The following TNS1 variants were observed in gnomAD, a reference collection of about 807,000 sequenced individuals.
TNS1 encodes the protein tensin 1, also known as tensin-1.
A neutral mutation model predicts 168.6 loss-of-function variants in TNS1; 62 were observed. The ratio of observed to expected loss-of-function variants is 0.37; its 90% CI spans 0.30 to 0.45. The LOEUF is 0.45. Ranked by LOEUF, TNS1 falls within the 20% of genes least tolerant of loss-of-function variation. The pLI, the probability that TNS1 is intolerant of heterozygous loss-of-function variation, is 1.00. For synonymous variants in TNS1, 934 were observed against 933.2 expected (o/e 1.00, Z -0.02); for missense variants, 2,240 against 2,339.4 (o/e 0.96, Z 0.88).
chr2:217,834,997 C>T, intron 21 of TNS1, 94 bp downstream of exon 21: 1 of 1,172,228 alleles, frequency 8.5e-7, no homozygotes. Context: ...CACTGTCACC[C>T]CCAACCCTCA....
At chr2:217,830,224 C>A in intron 22 of TNS1, 1 of 1,107,254 alleles carries the variant, frequency 9.0e-7, no homozygotes, top group Non-Finnish European at 1.3e-6. Context: ...CAGGAGTGTG[C>A]TGGCTGGTGA....
intron 3 of TNS1, among the ~76,000 whole-genome samples, chr2:217,928,994 G>A (rs1575100697): frequency 6.6e-6 from 1 of 152,198 alleles, no homozygotes; most frequent in Non-Finnish European, 1.5e-5. Context: ...AGACCTGAAC[G>A]AGGCAGGGAA....
intron 18 of TNS1, among the ~76,000 whole-genome samples, chr2:217,873,634 G>A (rs879469089): frequency 3.9e-5 from 6 of 152,230 alleles, no homozygotes; most frequent in Non-Finnish European, 7.3e-5. Context: ...TTCAGCAGGA[G>A]GAGGCTGGAG....
chr2:217,997,748 T>A (rs907916879), intron 1 of TNS1, among the ~76,000 whole-genome samples: 1 of 152,020 alleles, frequency 6.6e-6, no homozygotes, highest in Non-Finnish European at 1.5e-5. Context: ...GAGGATGAAA[T>A]GAGATTATGC....
intron 5 of TNS1, 127 bp downstream of exon 5, chr2:217,907,083 A>G (rs1303319653): frequency 1.7e-5 from 11 of 644,286 alleles, no homozygotes; most frequent in South Asian, 7.0e-5. Context: ...AAGTTCCCCA[A>G]ATCTACTCCG....
intron 2 of TNS1, among the ~76,000 whole-genome samples, chr2:217,983,302 C>G (rs1366689473): frequency 6.6e-6 from 1 of 152,174 alleles, no homozygotes; most frequent in African/African-American, 2.4e-5. Flanking sequence ...GGCCTCCCAG[C>G]TACTACAGAA....
At chr2:217,850,388 A>T (rs1017726126) in intron 18 of TNS1, 1 of 985,186 alleles carries the variant, frequency 1.0e-6, no homozygotes, top group South Asian at 4.7e-5. Context: ...AGATGTCTTC[A>T]TGGGGGAGAG....
At chr2:217,966,308 TGCGCGCGCGCGC>T (rs1553621681) in intron 3 of TNS1, among the ~76,000 whole-genome samples, 1 of 133,674 alleles carries the variant, frequency 7.5e-6, no homozygotes, top group Non-Finnish European at 1.6e-5. Context: ...TGTGTGTGTG[TGCGCGCGCGCGC>T]GTGTGTAAGG....
At chr2:218,025,044 T>C (rs947749588) in intron 1 of TNS1, among the ~76,000 whole-genome samples, 5 of 152,106 alleles carry the variant, frequency 3.3e-5, no homozygotes, top group African/African-American at 1.2e-4. Flanking sequence ...GGAGGGAGCA[T>C]GATAGCCTGG....
At chr2:217,902,253 C>T (rs1435711940) in intron 6 of TNS1, among the ~76,000 whole-genome samples, 1 of 152,182 alleles carries the variant, frequency 6.6e-6, no homozygotes, top group East Asian at 1.9e-4. Flanking sequence ...TCTCCCCAGG[C>T]CCTAGGCCCT....
chr2:217,953,104 C>T (rs974477036), intron 3 of TNS1, among the ~76,000 whole-genome samples: 2 of 152,228 alleles, frequency 1.3e-5, no homozygotes, highest in African/African-American at 4.8e-5. Flanking sequence ...AGGAGCCTCA[C>T]GTCTGTTCCT....
chr2:217,868,013 A>G (rs1215757915), intron 18 of TNS1, among the ~76,000 whole-genome samples: 2 of 152,254 alleles, frequency 1.3e-5, no homozygotes, highest in African/African-American at 4.8e-5. Flanking sequence ...ACTAGAATGG[A>G]ACCGCCGCAT....
chr2:217,907,416 G>C (rs949287832), intron 4 of TNS1, among the ~76,000 whole-genome samples, 165 bp from the exon 5 acceptor site: 1 of 152,222 alleles, frequency 6.6e-6, no homozygotes, highest in African/African-American at 2.4e-5. Context: ...AGCACAGGAG[G>C]GAGAGTTTGA....
intron 3 of TNS1, among the ~76,000 whole-genome samples, chr2:217,967,102 G>A (rs7587741): frequency 0.016 from 2,411 of 152,216 alleles, 56 homozygotes; most frequent in African/African-American, 0.054. Flanking sequence ...GGCGGATCAC[G>A]AGGTCAGGAG....
chr2:218,013,603 G>A (rs1391197012), upstream of TNS1, among the ~76,000 whole-genome samples: 1 of 151,382 alleles, frequency 6.6e-6, no homozygotes, highest in Non-Finnish European at 1.5e-5. Context: ...CCTATCCTCT[G>A]GGGACTGCTT....
intron 18 of TNS1, among the ~76,000 whole-genome samples, chr2:217,868,218 G>A (rs1013176849): frequency 2.6e-5 from 4 of 152,222 alleles, no homozygotes; most frequent in Non-Finnish European, 5.9e-5. Context: ...TGGACTTAAG[G>A]TTAGGCCTAT....
intron 2 of TNS1, among the ~76,000 whole-genome samples, chr2:217,987,321 A>C (rs1347738458): frequency 6.6e-6 from 1 of 152,010 alleles, no homozygotes; most frequent in East Asian, 1.9e-4. Context: ...AGTTCACAGG[A>C]GTTCACAGGT....
intron 10 of TNS1, 115 bp downstream of exon 10, chr2:217,893,324 C>A: frequency 6.9e-7 from 1 of 1,439,550 alleles, no homozygotes; most frequent in South Asian, 1.5e-5. Context: ...CTCGCAAAAT[C>A]CAAAGATATA....
Position 217,804,306 on chromosome 2 carries a change from G to A in TNS1, c.*153C>T. On this transcript the variant is annotated 3_prime_UTR_variant, in exon 33 of 33. Transcript: ENST00000682258. The stretch of plus-strand genomic sequence containing the variant: ...TCTCTCTCTTTTCCCCCTCCCCTCT[G>A]CAATTCACTTCCCTCTCCCCACGTT... The A allele has an allele frequency of 1.5e-6, 1 of 651,350 alleles. No homozygotes were observed. The highest frequency in any genetic ancestry group is 2.5e-6 in the Non-Finnish European group (1 of 393,798). The allele number at this position is 651,350 out of a possible 1,614,324, so 40.3% of individuals were successfully genotyped here.
Sources: allele counts gnomAD v4.1 joint callset (sites outside exome capture counted in the v4.1 genomes callset), GRCh38; gene constraint gnomAD v4.1.1; transcripts MANE v1.5; gene names NCBI Gene and HGNC (gene_info 2026-07-23, HGNC 2026-07-21).